The following CNTNAP5 variants were observed in gnomAD, a reference collection of about 807,000 sequenced individuals.
The protein encoded by CNTNAP5 is contactin associated protein family member 5.
A neutral mutation model predicts 150.2 loss-of-function variants in CNTNAP5; 72 were observed. That is an observed-to-expected ratio of 0.48 (90% confidence interval 0.40 to 0.58). CNTNAP5 has a LOEUF of 0.58. Ranked by LOEUF, CNTNAP5 falls within the 20% of genes least tolerant of loss-of-function variation. CNTNAP5 has a pLI of 0.00. For missense variants in CNTNAP5, 1,636 were observed against 1,626.2 expected (o/e 1.01, Z -0.10); for synonymous variants, 672 against 619.8 (o/e 1.08, Z -1.25).
intron 8 of CNTNAP5, among the ~76,000 whole-genome samples, chr2:124,512,934 G>A (rs769454052): frequency 2.0e-5 from 3 of 152,140 alleles, no homozygotes; most frequent in Non-Finnish European, 4.4e-5. Flanking sequence ...TGTAGCTATG[G>A]TCAACATGAC....
At position 124,514,256 on chromosome 2, in the gene CNTNAP5, AC is replaced by A. The variant is rs1285047449; in HGVS notation, c.1327+9702del. Among the ~76,000 whole-genome samples, 21 of 152,356 alleles carry A rather than the reference AC, an allele frequency of 1.4e-4. No homozygotes were observed. The South Asian group carries it at 4.3e-3, about 32-fold the overall frequency. On this transcript the variant is annotated intron_variant, in intron 8 of 23. Coordinates refer to ENST00000682447, the MANE Select transcript of CNTNAP5 (RefSeq NM_001367498.1). ...TACCAAGCAAAGGTTGGAAATGTTTACCAAAGTAGTGATTTCTTGGGCGTCT... is the reference window on the plus strand; with the variant it reads ...TACCAAGCAAAGGTTGGAAATGTTTACAAAGTAGTGATTTCTTGGGCGTCT...
chr2:124,797,075 A>C (rs939303324), intron 18 of CNTNAP5, among the ~76,000 whole-genome samples: 6 of 152,324 alleles, frequency 3.9e-5, no homozygotes, highest in Non-Finnish European at 7.3e-5. Context: ...CAACTCTCTT[A>C]AGTGCTTTAC....
intron 3 of CNTNAP5, among the ~76,000 whole-genome samples, chr2:124,283,588 G>A (rs1173557823): frequency 1.3e-5 from 2 of 152,176 alleles, no homozygotes; most frequent in Non-Finnish European, 2.9e-5. Flanking sequence ...CTCTGTCTTG[G>A]CAATATTAAA....
intron 1 of CNTNAP5, among the ~76,000 whole-genome samples, chr2:124,044,648 G>A (rs1311908611): frequency 6.6e-6 from 1 of 152,034 alleles, no homozygotes; most frequent in Non-Finnish European, 1.5e-5. Context: ...TTATGGAGGT[G>A]ATGATTTATA....
chr2:124,479,471 C>A (rs1363715504), intron 7 of CNTNAP5, among the ~76,000 whole-genome samples: 2 of 152,142 alleles, frequency 1.3e-5, no homozygotes, highest in African/African-American at 4.8e-5. Flanking sequence ...AGTGGAAATG[C>A]ATGTGTTACT....
chr2:124,182,860 A>G (rs1020606790), intron 1 of CNTNAP5, among the ~76,000 whole-genome samples: 2 of 152,006 alleles, frequency 1.3e-5, no homozygotes, highest in South Asian at 4.1e-4. Flanking sequence ...GATTTGTTCC[A>G]TTTTGTTCCA....
At chr2:124,842,995 G>A (rs184424299) in intron 19 of CNTNAP5, among the ~76,000 whole-genome samples, 1 of 151,996 alleles carries the variant, frequency 6.6e-6, no homozygotes, top group East Asian at 1.9e-4. Context: ...AGATTTTGGT[G>A]CACACATCAC....
chr2:124,588,236 C>T (rs7586355), intron 11 of CNTNAP5, among the ~76,000 whole-genome samples: 1 of 106,344 alleles, frequency 9.4e-6, no homozygotes, highest in African/African-American at 3.6e-5. Context: ...TTCTTTCTTT[C>T]TTCTTTCTTT....
chr2:124,657,846 C>A (rs938553655), intron 13 of CNTNAP5, among the ~76,000 whole-genome samples: 1 of 152,206 alleles, frequency 6.6e-6, no homozygotes, highest in Admixed American at 6.5e-5. Flanking sequence ...CCATGCTTAG[C>A]TGTCTCTGAT....
At chr2:124,842,438 A>G (rs896156787) in intron 19 of CNTNAP5, among the ~76,000 whole-genome samples, 26 of 152,298 alleles carry the variant, frequency 1.7e-4, no homozygotes, top group Non-Finnish European at 2.9e-4. Flanking sequence ...TTCATAATTC[A>G]ATGTATTTTT....
At chr2:124,481,027 C>A (rs12624008) in intron 7 of CNTNAP5, among the ~76,000 whole-genome samples, 1 of 152,056 alleles carries the variant, frequency 6.6e-6, no homozygotes, top group Non-Finnish European at 1.5e-5. Flanking sequence ...ATGTCATAAA[C>A]TGGGTAGCTT....
At chr2:124,237,520 T>G (rs752707939) in intron 2 of CNTNAP5, among the ~76,000 whole-genome samples, 1 of 152,062 alleles carries the variant, frequency 6.6e-6, no homozygotes, top group Non-Finnish European at 1.5e-5. Context: ...GATCTGGTTT[T>G]GTTTTGTTTT....
chr2:124,451,901 T>A (rs962515237), intron 6 of CNTNAP5, among the ~76,000 whole-genome samples: 3 of 152,158 alleles, frequency 2.0e-5, no homozygotes, highest in Admixed American at 1.3e-4. Context: ...AAAATCCCTG[T>A]GGGCTTGCTG....
rs1677507563 is a variant in CNTNAP5 at position 124,860,727 on chromosome 2, A to G, written c.3218-4579A>G. On this transcript the variant is annotated intron_variant, in intron 19 of 23. Transcript: ENST00000682447. ...GGCAAGTAAGTAGACAACACAACAC[A>G]GTACATGTTAGAATAAAGGAGATGG... Among the ~76,000 whole-genome samples, 5 of 152,176 alleles carry G rather than the reference A, an allele frequency of 3.3e-5. No individual in the cohort carries two copies. The South Asian group carries it at 1.0e-3, about 32-fold the overall frequency.
intron 1 of CNTNAP5, among the ~76,000 whole-genome samples, chr2:124,124,786 AC>A (rs1683646974): frequency 6.6e-6 from 1 of 152,230 alleles, no homozygotes; most frequent in Non-Finnish European, 1.5e-5. Context: ...AGAATTTTCA[AC>A]CCAGAATTTC....
chr2:124,914,526 C>T lies in CNTNAP5; in HGVS notation c.*238C>T, dbSNP rs1029690933. On this transcript the variant is annotated 3_prime_UTR_variant, in exon 24 of 24. Coordinates refer to ENST00000682447, the MANE Select transcript of CNTNAP5 (RefSeq NM_001367498.1). ...CGGGTGAAAACGACCACTCAAGAGA[C>T]TGACTTCGCCATTCAAGACAAGGAA... 1.7e-5 allele frequency: 8 copies of T among 480,312 alleles called. No individual in the cohort carries two copies. The highest frequency in any genetic ancestry group is 3.0e-5 in the Non-Finnish European group (8 of 264,862). 29.8% of individuals were successfully genotyped at this position (480,312 alleles called of 1,614,324 possible).
intron 12 of CNTNAP5, among the ~76,000 whole-genome samples, chr2:124,615,404 G>A (rs1021380762): frequency 6.6e-6 from 1 of 152,160 alleles, no homozygotes; most frequent in African/African-American, 2.4e-5. Context: ...TTCACCAAGA[G>A]TAGATTCCAT....
intron 13 of CNTNAP5, among the ~76,000 whole-genome samples, chr2:124,658,580 C>A (rs1678507643): frequency 6.6e-6 from 1 of 151,782 alleles, no homozygotes. Context: ...TTTTTTGACA[C>A]CTTCATACAC....
At chr2:124,845,171 AG>A (rs1683023241) in intron 19 of CNTNAP5, among the ~76,000 whole-genome samples, 1 of 151,996 alleles carries the variant, frequency 6.6e-6, no homozygotes, top group African/African-American at 2.4e-5. Context: ...CATTTTGCTG[AG>A]GGTTTTAATC....
Sources: gnomAD v4.1 joint callset for allele counts (sites outside exome capture counted in the v4.1 genomes callset) on GRCh38, gnomAD v4.1.1 for gene constraint, MANE v1.5 for transcripts, NCBI Gene and HGNC (gene_info 2026-07-23, HGNC 2026-07-21) for gene names.